LASP1: variants seen among roughly 807,000 people sequenced by gnomAD.
LASP1 encodes the protein LIM and SH3 domain protein 1.
Under a neutral mutation model 38.6 loss-of-function variants are expected in LASP1, and 10 were observed. The observed-to-expected ratio is 0.26, with a 90% CI of 0.16 to 0.44. The LOEUF (loss-of-function observed/expected upper bound fraction) is 0.44. Among genes scored for constraint, LASP1 ranks in the 20% least tolerant of loss-of-function variants. LASP1 has a pLI of 1.00. For synonymous variants in LASP1, 132 were observed against 140.8 expected, an observed-to-expected ratio of 0.94 and a Z score of 0.44; for missense variants, 243 against 375.7, an observed-to-expected ratio of 0.65 and a Z score of 2.92.
chr17:38,901,298 T>C (rs902485189), intron 4 of LASP1, among the ~76,000 whole-genome samples: 6 of 152,230 alleles, frequency 3.9e-5, no homozygotes, highest in African/African-American at 1.4e-4. Context: ...CTCACCACCC[T>C]GGCCAAGCCA....
intron 2 of LASP1, among the ~76,000 whole-genome samples, chr17:38,881,922 A>G (rs1913963112): frequency 6.6e-6 from 1 of 152,374 alleles, no homozygotes; most frequent in Middle Eastern, 3.4e-3. Flanking sequence ...TAAAGTAGGC[A>G]GTGAAAAGGC....
chr17:38,915,016 C>T (rs756257404), intron 5 of LASP1, 27 bp from the exon 6 acceptor site: 16 of 1,609,784 alleles, frequency 9.9e-6, no homozygotes, highest in East Asian at 2.2e-5. Context: ...GGACAGTTTC[C>T]AAGCCCTGTC....
intron 4 of LASP1, among the ~76,000 whole-genome samples, chr17:38,909,499 C>T (rs1681719375): frequency 6.6e-6 from 1 of 151,922 alleles, no homozygotes; most frequent in Non-Finnish European, 1.5e-5. Context: ...CCCAGCTACT[C>T]AGGAGGCTGA....
intron 4 of LASP1, among the ~76,000 whole-genome samples, chr17:38,900,458 A>G (rs1914611847): frequency 6.6e-6 from 1 of 150,634 alleles, no homozygotes; most frequent in East Asian, 1.9e-4. Flanking sequence ...GCGGATCATG[A>G]GGTCAAGAGA....
chr17:38,898,559 CTGTT>C (rs1441173494), intron 4 of LASP1, 40 bp downstream of exon 4: 35 of 1,426,244 alleles, frequency 2.5e-5, no homozygotes, highest in Non-Finnish European at 3.4e-5. Flanking sequence ...CTGCTGCCCT[CTGTT>C]TGGTCCCCTT....
chr17:38,895,839 GTTGT>G (rs1277594041), intron 3 of LASP1, among the ~76,000 whole-genome samples: 1 of 152,220 alleles, frequency 6.6e-6, no homozygotes, highest in Admixed American at 6.5e-5. Context: ...ACGGATGGTG[GTTGT>G]TTGGGTGTCA....
chr17:38,890,527 G>A (rs1242013053), intron 3 of LASP1, 23 bp downstream of exon 3: 2 of 1,606,136 alleles, frequency 1.2e-6, no homozygotes, highest in Non-Finnish European at 1.7e-6. Context: ...GCGGTGCTGG[G>A]GCCTGGCAGG....
intron 1 of LASP1, 66 bp from the exon 2 acceptor site, chr17:38,878,020 T>C: frequency 8.0e-7 from 1 of 1,249,484 alleles, no homozygotes; most frequent in Non-Finnish European, 1.2e-6. Flanking sequence ...TGCCCCTTCC[T>C]AGGGCCTGAG....
chr17:38,915,328 TG>T, intron 6 of LASP1, 182 bp downstream of exon 6: 1 of 543,122 alleles, frequency 1.8e-6, no homozygotes, highest in Non-Finnish European at 3.3e-6. Flanking sequence ...TGGCTGGGAC[TG>T]GGGCCCTGCG....
At position 38,889,291 on chromosome 17, in the gene LASP1, C is replaced by T. The variant is rs879403371; in HGVS notation, c.165-1129C>T. Among the ~76,000 whole-genome samples the T allele has an allele frequency of 3.9e-5, 6 of 152,240 alleles. No homozygotes were observed. The East Asian group carries it at 5.8e-4, about 15-fold the overall frequency. ...GACTATAGGCGCACGCCATCACACC[C>T]GGCTAATTTTTGTATTTTTAGTGGA... On this transcript the variant is annotated intron_variant, in intron 2 of 6. Coordinates refer to ENST00000318008, the MANE Select transcript of LASP1 (RefSeq NM_006148.4).
chr17:38,919,006 T>C lies in LASP1; in HGVS notation c.*228T>C. ...TCGACTTCTTGGTTTTCTCTCTGGA[T>C]GGAACGGGCATGGGCCTCTCTGGGG... On this transcript the variant is annotated 3_prime_UTR_variant, in exon 7 of 7. Transcript: ENST00000318008. 1 of 559,444 alleles carries C rather than the reference T, an allele frequency of 1.8e-6. No individual in the cohort carries two copies. Among genetic ancestry groups the C allele is most frequent in the African/African-American group, 2.0e-5 (1 of 50,580 alleles). 34.7% of individuals were successfully genotyped at this position (559,444 alleles called of 1,614,324 possible).
At chr17:38,909,524 T>C (rs1408911358) in intron 4 of LASP1, among the ~76,000 whole-genome samples, 4 of 151,942 alleles carry the variant, frequency 2.6e-5, no homozygotes, top group Non-Finnish European at 5.9e-5. Context: ...GGAGCATCAC[T>C]TGAACCCGGG....
chr17:38,895,632 GTAAT>G (rs1914466078), intron 3 of LASP1, among the ~76,000 whole-genome samples: 1 of 152,086 alleles, frequency 6.6e-6, no homozygotes, highest in Non-Finnish European at 1.5e-5. Flanking sequence ...TTGTTTTTAA[GTAAT>G]GATCCTTCTT....
At chr17:38,905,006 G>A (rs866449840) in intron 4 of LASP1, among the ~76,000 whole-genome samples, 2 of 152,132 alleles carry the variant, frequency 1.3e-5, no homozygotes, top group Non-Finnish European at 2.9e-5. Flanking sequence ...GAGTAATTTT[G>A]TGTATCTTGC....
At chr17:38,899,201 G>C (rs1027984908) in intron 4 of LASP1, 2 of 195,926 alleles carry the variant, frequency 1.0e-5, no homozygotes, top group Admixed American at 1.1e-4. Context: ...GTGGCTTTAG[G>C]CATGCGGGGG....
intron 3 of LASP1, chr17:38,897,068 C>T: frequency 1.0e-6 from 1 of 985,594 alleles, no homozygotes; most frequent in Non-Finnish European, 1.2e-6. Context: ...AGAGCTGGTG[C>T]TAGGCAGGTT....
chr17:38,888,338 G>A (rs1381157055), intron 2 of LASP1, among the ~76,000 whole-genome samples: 1 of 151,898 alleles, frequency 6.6e-6, no homozygotes, highest in East Asian at 1.9e-4. Flanking sequence ...GAGTACAGTG[G>A]CGGATCTTGG....
At chr17:38,902,797 G>A (rs1250196662) in intron 4 of LASP1, among the ~76,000 whole-genome samples, 1 of 152,142 alleles carries the variant, frequency 6.6e-6, no homozygotes, top group Admixed American at 6.5e-5. Flanking sequence ...CTGCCTCCCG[G>A]GTTGAAGCGA....
Position 38,920,351 on chromosome 17 carries a change from G to T in LASP1, c.*1573G>T. ...CTTGAAGCAAGAAAGAGGGTCCCAG[G>T]GCTGCAAAACTGGAAGCACAGCCTC... On this transcript the variant is annotated 3_prime_UTR_variant, in exon 7 of 7. Coordinates refer to ENST00000318008, the MANE Select transcript of LASP1 (RefSeq NM_006148.4). The T allele has an allele frequency of 2.8e-6, 1 of 356,672 alleles. No individual in the cohort carries two copies. The highest frequency in any genetic ancestry group is 3.7e-5 in the South Asian group (1 of 27,342). The allele number at this position is 356,672 out of a possible 1,614,324, so 22.1% of individuals were successfully genotyped here. A position where few individuals can be genotyped will look rare whatever the true frequency, so the allele number is the denominator to read the frequency against.
Sources: gnomAD v4.1 joint callset for allele counts (sites outside exome capture counted in the v4.1 genomes callset) on GRCh38, gnomAD v4.1.1 for gene constraint, MANE v1.5 for transcripts, NCBI Gene and HGNC (gene_info 2026-07-23, HGNC 2026-07-21) for gene names.